DNAJC17: variants seen among roughly 807,000 people sequenced by gnomAD.
The protein encoded by DNAJC17 is DnaJ heat shock protein family (Hsp40) member C17, also known as dnaJ homolog subfamily C member 17.
A neutral mutation model predicts 48.1 loss-of-function variants in DNAJC17; 35 were observed. The ratio of observed to expected loss-of-function variants is 0.73; its 90% CI spans 0.56 to 0.96. DNAJC17 has a LOEUF of 0.96. Ranked by LOEUF, DNAJC17 falls within the 50% of genes least tolerant of loss-of-function variation. The probability of loss-of-function intolerance (pLI) is 0.00; values close to 1 mark genes in which losing one functional copy is unlikely to be tolerated. For synonymous variants in DNAJC17, 117 were observed against 142.7 expected (o/e 0.82, Z 1.28); for missense variants, 355 against 377.1 (o/e 0.94, Z 0.48).
rs1048907916 is a variant in DNAJC17, at chr15:40,770,640, C to T, written c.793-2578G>A. On this transcript the variant is annotated intron_variant, in intron 10 of 10. Coordinates refer to ENST00000220496, the MANE Select transcript of DNAJC17 (RefSeq NM_018163.3). This position sits in a 1 kb window ranked among gnomAD's most constrained non-coding sequence, Gnocchi z 5.0. Reference sequence around the variant, plus strand: ...TGGGGACCACGAGGAGTACAGCAACCGAGAAGTCATCCGGGAGCTACAAGG... The same window carrying T: ...TGGGGACCACGAGGAGTACAGCAACTGAGAAGTCATCCGGGAGCTACAAGG... The T allele has an allele frequency of 1.5e-5, 23 of 1,550,194 alleles. No individual in the cohort carries two copies. The highest frequency in any genetic ancestry group is 5.5e-5 in the African/African-American group (4 of 73,036).
chr15:40,773,018 T>C (rs1889200493), intron 10 of DNAJC17, among the ~76,000 whole-genome samples: 1 of 149,144 alleles, frequency 6.7e-6, no homozygotes, highest in African/African-American at 2.5e-5. Context: ...TAGAGTGCAA[T>C]GGCACGATCT....
At chr15:40,792,895 C>CTTT (rs563611021) in intron 1 of DNAJC17, among the ~76,000 whole-genome samples, 37 of 126,252 alleles carry the variant, frequency 2.9e-4, no homozygotes, top group Non-Finnish European at 4.2e-4. Flanking sequence ...AAGATCCCTT[C>CTTT]TTTTTTTTTT....
At chr15:40,779,683 ATCTT>A in intron 2 of DNAJC17, 80 bp from the exon 3 acceptor site, 2 of 1,405,958 alleles carry the variant, frequency 1.4e-6, no homozygotes, top group Non-Finnish European at 2.0e-6. Flanking sequence ...AAAAAAAAAA[ATCTT>A]CAAAGAAGTC....
At position 40,767,999 on chromosome 15, in the gene DNAJC17, C is replaced by G. The variant is rs142251536; in HGVS notation, c.856G>C (p.Glu286Gln). 1,909 of 1,605,886 alleles carry G rather than the reference C, an allele frequency of 1.2e-3. No individual in the cohort carries two copies. Among genetic ancestry groups the G allele is most frequent in the Non-Finnish European group, 1.5e-3 (1,815 of 1,177,644 alleles). The change falls in exon 11 of 11, where the codon GAG becomes CAG. Residue 286 changes from glutamate (E) to glutamine (Q), a missense_variant. Glu to Gln is a conservative substitution (Grantham distance 29, BLOSUM62 2). This residue lies in a region of DNAJC17 where 88 missense variants were observed against 67.7 expected (regional missense o/e 1.30). Coordinates refer to ENST00000220496, the MANE Select transcript of DNAJC17 (RefSeq NM_018163.3). ...LVMMRMRQAA[E>Q]RQQLIARMQQ... ...ATCCGTGCGATCAGCTGTTGCCGCT[C>G]GGCCGCCTGGCGCATGCGCATCATG...
At chr15:40,794,990 A>T (rs1211824342) in intron 1 of DNAJC17, among the ~76,000 whole-genome samples, 1 of 151,816 alleles carries the variant, frequency 6.6e-6, no homozygotes, top group Non-Finnish European at 1.5e-5. Context: ...AAGTGCTCGG[A>T]TTACAGGCAT....
At chr15:40,803,760 C>G (rs1038495121) in intron 1 of DNAJC17, among the ~76,000 whole-genome samples, 3 of 145,690 alleles carry the variant, frequency 2.1e-5, no homozygotes, top group African/African-American at 5.7e-5. Flanking sequence ...TCTTGCCCCC[C>G]CATTAAAGGC....
rs546389855 is a variant in DNAJC17 at position 40,787,918 on chromosome 15, G to T, written c.79-7921C>A. ...AGAAGGGATCATTATTTTTTAAAAG[G>T]TTGCTGTCCTTTCTTGTAATAAAGC... On this transcript the variant is annotated intron_variant, in intron 1 of 10. Transcript: ENST00000220496. 7.2e-5 allele frequency among the ~76,000 whole-genome samples: 11 copies of T among 152,300 alleles called. No homozygotes were observed. In the South Asian group the frequency reaches 2.3e-3, roughly 32 times the overall value.
At chr15:40,777,651 G>C (rs1889369478) in intron 4 of DNAJC17, among the ~76,000 whole-genome samples, 1 of 151,976 alleles carries the variant, frequency 6.6e-6, no homozygotes, top group African/African-American at 2.4e-5. Context: ...CCAGGAGGCA[G>C]AGGTTGAAGT....
At position 40,775,551 on chromosome 15, in the gene DNAJC17, A is replaced by C; in HGVS notation, c.522+2T>G. The C allele has an allele frequency of 1.9e-6, 3 of 1,613,818 alleles. No individual in the cohort carries two copies. Among genetic ancestry groups the C allele is most frequent in the Non-Finnish European group, 2.5e-6 (3 of 1,179,992 alleles). On this transcript the variant is annotated splice_donor_variant, in intron 7 of 10. Coordinates refer to ENST00000220496, the MANE Select transcript of DNAJC17 (RefSeq NM_018163.3). LOFTEE classifies it high-confidence loss of function. ...TGGCCCACAGATCCTGCCCAGGCTC[A>C]CCTTTAGTTTGGGGGTTCCTTGGCC...
chr15:40,789,148 A>T (rs1889725824), intron 1 of DNAJC17, among the ~76,000 whole-genome samples: 1 of 152,180 alleles, frequency 6.6e-6, no homozygotes, highest in Non-Finnish European at 1.5e-5. Flanking sequence ...TCTCAGGCTG[A>T]TAGCCATGGC....
intron 1 of DNAJC17, among the ~76,000 whole-genome samples, chr15:40,806,837 T>A (rs1191941131): frequency 1.3e-5 from 2 of 152,216 alleles, no homozygotes; most frequent in Non-Finnish European, 2.9e-5. Flanking sequence ...GAGAAGGGCA[T>A]CAGCTACTTG....
intron 1 of DNAJC17, 129 bp from the exon 2 acceptor site, chr15:40,780,126 C>G (rs540482511): frequency 4.5e-6 from 4 of 888,646 alleles, no homozygotes; most frequent in Non-Finnish European, 7.2e-6. Context: ...CACTTCCTAG[C>G]CACCAGGGAG....
At chr15:40,776,771 C>T in intron 4 of DNAJC17, 144 bp from the exon 5 acceptor site, 1 of 716,750 alleles carries the variant, frequency 1.4e-6, no homozygotes, top group Non-Finnish European at 2.4e-6. Flanking sequence ...CATGCCCACG[C>T]CCCCGAGTCA....
At chr15:40,774,929 A>G in intron 8 of DNAJC17, 102 bp downstream of exon 8, 1 of 1,207,326 alleles carries the variant, frequency 8.3e-7, no homozygotes, top group African/African-American at 1.5e-5. Flanking sequence ...AAAAGCAAGT[A>G]GATATGTTAA....
chr15:40,765,948 T>G lies in DNAJC17; in HGVS notation c.*1992A>C. ...TAAGTAGCAGCCTCCCTCAGTATCCTCTCCCTGCCAGCCCCTAGACCTGCC... is the reference window on the plus strand; with the variant it reads ...TAAGTAGCAGCCTCCCTCAGTATCCGCTCCCTGCCAGCCCCTAGACCTGCC... On this transcript the variant is annotated 3_prime_UTR_variant, in exon 11 of 11. Transcript: ENST00000220496. 1 of 1,257,300 alleles carries G rather than the reference T, an allele frequency of 8.0e-7. No homozygotes were observed. Among genetic ancestry groups the G allele is most frequent in the Non-Finnish European group, 1.1e-6 (1 of 879,472 alleles). The allele number at this position is 1,257,300 out of a possible 1,614,324, so 77.9% of individuals were successfully genotyped here.
At chr15:40,805,940 G>A (rs1270636692) in intron 1 of DNAJC17, among the ~76,000 whole-genome samples, 1 of 152,056 alleles carries the variant, frequency 6.6e-6, no homozygotes, top group East Asian at 1.9e-4. Context: ...CTAGGACATA[G>A]TAAGCATTAT....
Position 40,781,765 on chromosome 15 carries a change from CA to C in DNAJC17, c.79-1769del, listed in dbSNP as rs908506420. Among the ~76,000 whole-genome samples, 4 of 146,708 alleles carry C rather than the reference CA, an allele frequency of 2.7e-5. No individual in the cohort carries two copies. The East Asian group carries it at 6.2e-4, about 23-fold the overall frequency. ...TGAAACCCCGTCTCTACTAAAAATA[CA>C]AAAAAATTAGCCAGGCATGGTGGCG... On this transcript the variant is annotated intron_variant, in intron 1 of 10. Transcript: ENST00000220496.
chr15:40,802,325 G>A (rs1024485000), intron 1 of DNAJC17, among the ~76,000 whole-genome samples: 11 of 152,072 alleles, frequency 7.2e-5, no homozygotes, highest in Admixed American at 5.9e-4. Flanking sequence ...ACGTGCCACC[G>A]CGTCTGGCTA....
chr15:40,801,669 C>T (rs1015349947), intron 1 of DNAJC17, among the ~76,000 whole-genome samples: 4 of 144,554 alleles, frequency 2.8e-5, no homozygotes, highest in African/African-American at 2.6e-5. Context: ...GGGAGAATGG[C>T]GTGAACCTGG....
Sources: allele counts gnomAD v4.1 joint callset (sites outside exome capture counted in the v4.1 genomes callset), GRCh38; gene constraint gnomAD v4.1.1; regional missense constraint gnomAD v4.1.1; non-coding constraint Gnocchi (gnomAD v3.1); transcripts MANE v1.5; gene names NCBI Gene and HGNC (gene_info 2026-07-23, HGNC 2026-07-21).